The following GBE1 variants were observed in gnomAD, a reference collection of about 807,000 sequenced individuals.
GBE1 encodes the protein 1,4-alpha-glucan branching enzyme 1.
A neutral mutation model predicts 88.8 loss-of-function variants in GBE1; 70 were observed. The ratio of observed to expected loss-of-function variants is 0.79; its 90% CI spans 0.65 to 0.96. The LOEUF is 0.96. Among genes scored for constraint, GBE1 ranks in the 40% least tolerant of loss-of-function variants. The pLI is 0.00. For missense variants in GBE1, 872 were observed against 871.0 expected (o/e 1.00, Z -0.01); for synonymous variants, 284 against 300.1 (o/e 0.95, Z 0.56).
Position 81,612,141 on chromosome 3 carries a change from T to C in GBE1, c.993-18118A>G, listed in dbSNP as rs539287042. 2.8e-5 allele frequency: 9 copies of C among 321,786 alleles called. No homozygotes were observed. The Admixed American group carries it at 2.8e-4, about 10-fold the overall frequency. The allele number at this position is 321,786 out of a possible 1,614,324, so 19.9% of individuals were successfully genotyped here. ...ATTAGAACTTTTTAGGCAGGAATGG[T>C]TCATAAGACATTTTCTTTATCAAGA... On this transcript the variant is annotated intron_variant, in intron 7 of 15. Transcript: ENST00000429644.
intron 14 of GBE1, among the ~76,000 whole-genome samples, chr3:81,522,549 C>G (rs1162978015): frequency 6.6e-6 from 1 of 151,280 alleles, no homozygotes. Context: ...CTGCCCCCCC[C>G]AAATTTAAAA....
chr3:81,519,311 C>T (rs1190898571), intron 14 of GBE1, among the ~76,000 whole-genome samples: 2 of 151,482 alleles, frequency 1.3e-5, no homozygotes, highest in African/African-American at 4.8e-5. Flanking sequence ...TCAAATTCAA[C>T]TATTTATACC....
At chr3:81,692,404 A>G (rs946443628) in intron 2 of GBE1, among the ~76,000 whole-genome samples, 1 of 152,184 alleles carries the variant, frequency 6.6e-6, no homozygotes, top group African/African-American at 2.4e-5. Flanking sequence ...TTAGAAGAAC[A>G]ATGTCCATTG....
intron 14 of GBE1, among the ~76,000 whole-genome samples, chr3:81,514,145 G>A (rs894176915): frequency 6.6e-6 from 1 of 151,282 alleles, no homozygotes; most frequent in African/African-American, 2.4e-5. Flanking sequence ...TTCTTCAGCT[G>A]GCAAAAAGGA....
intron 1 of GBE1, among the ~76,000 whole-genome samples, chr3:81,723,805 A>C (rs1706070985): frequency 6.6e-6 from 1 of 152,100 alleles, no homozygotes. Flanking sequence ...AAACTCCCAG[A>C]GAAGACAGAG....
At chr3:81,568,699 T>C (rs1703530774) in intron 12 of GBE1, among the ~76,000 whole-genome samples, 1 of 152,210 alleles carries the variant, frequency 6.6e-6, no homozygotes, top group Non-Finnish European at 1.5e-5. Flanking sequence ...TTAAGGATTG[T>C]TCTTAAAAGG....
chr3:81,600,261 A>G (rs1337008125), intron 7 of GBE1, among the ~76,000 whole-genome samples: 2 of 146,118 alleles, frequency 1.4e-5, no homozygotes, highest in East Asian at 4.6e-4. Flanking sequence ...CTCCGTCTCA[A>G]AAACAAATAA....
Position 81,536,912 on chromosome 3 carries a change from T to C in GBE1, c.1802A>G (p.Gln601Arg), listed in dbSNP as rs1215596601. The C allele has an allele frequency of 2.5e-6, 4 of 1,586,210 alleles. No homozygotes were observed. In the South Asian group the frequency reaches 3.5e-5, roughly 14 times the overall value. ...EERYGWLAAPQAYVSEKHEGN... is the reference protein window; with the variant it reads ...EERYGWLAAPRAYVSEKHEGN... ...CAGCATCCAGAGTGAAGAGCTTACC[T>C]GTGGAGCTGCAAGCCAACCATATCT... The change falls in exon 13 of 16, where the codon CAG (glutamine) becomes CGG (arginine). Residue 601 changes from glutamine (Q) to arginine (R), a missense_variant and splice_region_variant. Gln to Arg is a conservative substitution (Grantham distance 43). Transcript: ENST00000429644.
rs373148836 is a variant in GBE1, at chr3:81,537,001, G to A, written c.1713C>T (p.Asp571=). ...HYARRQFHLT[D]DDLLRYKFLN... The stretch of plus-strand genomic sequence containing the variant: ...GGAACTTGTAGCGAAGAAGGTCGTC[G>A]TCAGTTAAATGAAACTGCCGCCTGG... The change falls in exon 13 of 16, where the codon GAC becomes GAT. Residue 571 remains aspartate (D), a synonymous_variant. Coordinates refer to ENST00000429644, the MANE Select transcript of GBE1 (RefSeq NM_000158.4). 225 of 1,591,044 alleles carry A rather than the reference G, an allele frequency of 1.4e-4. No homozygotes were observed. In the African/African-American group the frequency reaches 1.5e-3, roughly 10 times the overall value.
chr3:81,620,623 C>G (rs1023060021), intron 7 of GBE1, among the ~76,000 whole-genome samples: 2 of 151,994 alleles, frequency 1.3e-5, no homozygotes, highest in African/African-American at 4.8e-5. Flanking sequence ...AAAGGCAAGT[C>G]GCTGAAATGA....
intron 2 of GBE1, among the ~76,000 whole-genome samples, chr3:81,678,702 G>C (rs1705296045): frequency 6.6e-6 from 1 of 151,822 alleles, no homozygotes; most frequent in Non-Finnish European, 1.5e-5. Flanking sequence ...TAGTCTTCCA[G>C]GATTGTACTC....
At chr3:81,504,801 A>G (rs1190729385) in intron 14 of GBE1, among the ~76,000 whole-genome samples, 1 of 152,214 alleles carries the variant, frequency 6.6e-6, no homozygotes, top group African/African-American at 2.4e-5. Context: ...GTGTTTGCTC[A>G]GGCACTTGAT....
intron 9 of GBE1, among the ~76,000 whole-genome samples, chr3:81,590,659 T>C (rs1703864922): frequency 6.6e-6 from 1 of 152,074 alleles, no homozygotes; most frequent in African/African-American, 2.4e-5. Flanking sequence ...CAATCCATCC[T>C]ATCTTTAATG....
chr3:81,705,231 C>T (rs570958558), intron 2 of GBE1, among the ~76,000 whole-genome samples: 18 of 152,158 alleles, frequency 1.2e-4, no homozygotes, highest in African/African-American at 3.6e-4. Flanking sequence ...TTTTACAGAA[C>T]ATAAAGTCTT....
At chr3:81,583,367 T>A (rs1703759580) in intron 10 of GBE1, among the ~76,000 whole-genome samples, 1 of 152,126 alleles carries the variant, frequency 6.6e-6, no homozygotes, top group Non-Finnish European at 1.5e-5. Context: ...TTGTAGTGTT[T>A]GAGCATTTAT....
At chr3:81,736,880 A>C (rs2107211436) in intron 1 of GBE1, among the ~76,000 whole-genome samples, 1 of 152,264 alleles carries the variant, frequency 6.6e-6, no homozygotes, top group South Asian at 2.1e-4. Flanking sequence ...TTAAAACATG[A>C]AGCCAATAAA....
At position 81,606,835 on chromosome 3, in the gene GBE1, ATTTAC is replaced by A. The variant is rs1704109014; in HGVS notation, c.993-12817_993-12813del. 3.9e-5 allele frequency among the ~76,000 whole-genome samples: 6 copies of A among 152,088 alleles called. No homozygotes were observed. In the South Asian group the frequency reaches 1.0e-3, roughly 26 times the overall value. On this transcript the variant is annotated intron_variant, in intron 7 of 15. Transcript: ENST00000429644. ...TATGATCATTTCGTGGTTTATTATT[ATTTAC>A]TTTAAGTTATGTGCTATTATGTAGC...
intron 2 of GBE1, among the ~76,000 whole-genome samples, chr3:81,681,107 G>A (rs1705333827): frequency 6.6e-6 from 1 of 152,188 alleles, no homozygotes; most frequent in Non-Finnish European, 1.5e-5. Context: ...TGGAAAGTGA[G>A]ACATTATTTG....
At chr3:81,727,700 A>G (rs1706132344) in intron 1 of GBE1, among the ~76,000 whole-genome samples, 1 of 152,228 alleles carries the variant, frequency 6.6e-6, no homozygotes, top group African/African-American at 2.4e-5. Flanking sequence ...TTCAAGCTAA[A>G]GTACAAAAGA....
Sources: allele counts gnomAD v4.1 joint callset (sites outside exome capture counted in the v4.1 genomes callset), GRCh38; gene constraint gnomAD v4.1.1; transcripts MANE v1.5; gene names NCBI Gene and HGNC (gene_info 2026-07-23, HGNC 2026-07-21).